The following MUC6 variants were observed in gnomAD, a reference collection of about 807,000 sequenced individuals.
MUC6 encodes the protein mucin 6, oligomeric mucus/gel-forming (gene/pseudogene), also known as mucin-6.
In MUC6, 188 loss-of-function variants were observed where a neutral mutation model predicts 201.5. The observed-to-expected ratio is 0.93, with a 90% CI of 0.83 to 1.05. MUC6 has a LOEUF of 1.05. Among genes scored for constraint, MUC6 ranks in the 50% least tolerant of loss-of-function variants. The pLI is 0.00. For synonymous variants in MUC6, 1,228 were observed against 1,389.4 expected (o/e 0.88, Z 2.58); for missense variants, 2,706 against 3,256.9 (o/e 0.83, Z 4.12).
intron 30 of MUC6, among the ~76,000 whole-genome samples, chr11:1,019,049 C>G (rs562916477): frequency 6.6e-6 from 1 of 152,238 alleles, no homozygotes; most frequent in African/African-American, 2.4e-5. Context: ...TTCCCTGTGG[C>G]CGTGGTGGTG....
chr11:1,020,156 T>C lies in MUC6; in HGVS notation c.3742A>G (p.Ser1248Gly), dbSNP rs1347870752. 9.9e-6 allele frequency: 16 copies of C among 1,612,536 alleles called. No individual in the cohort carries two copies. Among genetic ancestry groups the C allele is most frequent in the African/African-American group, 2.7e-5 (2 of 74,752 alleles). Residue 1248 changes from serine (S) to glycine (G), a missense_variant, in exon 29 of 33, where the codon AGC becomes GGC. Physicochemically the swap from Ser to Gly is moderately conservative, Grantham distance 56. Transcript: ENST00000421673. ...GGAAGGAGGGGTGTCTGGGTGGGGC[T>C]GGCAGGGGTGTGATTAGAGCTGGGT... ...PSPSSNHTPA[S>G]PTQTPLLPAT...
At position 1,027,978 on chromosome 11, in the gene MUC6, G is replaced by T; in HGVS notation, c.1835C>A (p.Ala612Glu). The T allele has an allele frequency of 6.3e-7, 1 of 1,578,216 alleles. No homozygotes were observed. Among genetic ancestry groups the T allele is most frequent in the Non-Finnish European group, 8.6e-7 (1 of 1,162,384 alleles). ...FERCHATVNP[A>E]PFYKRCVYQA... ...TCGGGCCCTCACCTTGTAGAAGGGT[G>T]CAGGGTTCACTGTGGCGTGGCACCT... Residue 612 changes from alanine (A) to glutamate (E), a missense_variant, in exon 15 of 33, where the codon GCA (alanine) becomes GAA (glutamate). Physicochemically the swap from Ala to Glu is moderately radical, Grantham distance 107 (BLOSUM62 -1). Transcript: ENST00000421673.
chr11:1,030,429 C>T (rs1200907454), intron 7 of MUC6, 94 bp from the exon 8 acceptor site: 1 of 1,446,512 alleles, frequency 6.9e-7, no homozygotes, highest in Non-Finnish European at 9.3e-7. Flanking sequence ...CCAGCCCTTC[C>T]TCCATCTAGA....
intron 2 of MUC6, among the ~76,000 whole-genome samples, chr11:1,032,475 ATG>A (rs1457578457): frequency 6.8e-6 from 1 of 146,100 alleles, no homozygotes; most frequent in Non-Finnish European, 1.5e-5. Context: ...TGAGCTGGGC[ATG>A]TGTGTCGAGT....
chr11:1,022,344 C>T (rs966731548), intron 26 of MUC6, among the ~76,000 whole-genome samples: 38 of 150,610 alleles, frequency 2.5e-4, no homozygotes, highest in African/African-American at 7.1e-4. Context: ...ACCCCTCCAC[C>T]GCTCCCTCTG....
chr11:1,024,195 C>T (rs959244462), intron 24 of MUC6, 92 bp from the exon 25 acceptor site: 71 of 1,421,602 alleles, frequency 5.0e-5, no homozygotes, highest in East Asian at 3.4e-4. Flanking sequence ...GTGGTCAGGC[C>T]GGAGTGTGGC....
chr11:1,013,323 G>T lies in MUC6; in HGVS notation c.*133C>A. 1 of 977,832 alleles carries T rather than the reference G, an allele frequency of 1.0e-6. No homozygotes were observed. The allele number at this position is 977,832 out of a possible 1,614,324, so 60.6% of individuals were successfully genotyped here. A position where few individuals can be genotyped will look rare whatever the true frequency, so the allele number is the denominator to read the frequency against. ...CCAACCGGTGCCCCAGGGAGCCACG[G>T]CCCAGGGCACTTGGGGGCCAGGCCT... On this transcript the variant is annotated 3_prime_UTR_variant, in exon 33 of 33. Coordinates refer to ENST00000421673, the MANE Select transcript of MUC6 (RefSeq NM_005961.3).
Position 1,030,295 on chromosome 11 carries a change from G to A in MUC6, c.933C>T (p.Cys311=), listed in dbSNP as rs1242958448. 5.2e-6 allele frequency: 8 copies of A among 1,549,182 alleles called. No homozygotes were observed. Among genetic ancestry groups the A allele is most frequent in the South Asian group, 1.2e-5 (1 of 84,008 alleles). ...QCPANQVYQE[C]GSACVKTCSN... is the part of the protein sequence containing the mutation. ...AGCAGGTCTTCACGCAGGCCGAGCCGCACTCCTGGTACACCTGGTTGGCCG... is the reference window on the plus strand; with the variant it reads ...AGCAGGTCTTCACGCAGGCCGAGCCACACTCCTGGTACACCTGGTTGGCCG... The change falls in exon 8 of 33, where the codon TGC becomes TGT. Residue 311 remains cysteine, a synonymous_variant. Coordinates refer to ENST00000421673, the MANE Select transcript of MUC6 (RefSeq NM_005961.3).
chr11:1,033,123 T>C lies in MUC6; in HGVS notation c.53-48A>G. ...CGGTGTGGGGCTACCCCGTCGTCCCTGAGGGCGCCGCTCACCTCTGCTCAG... is the reference window on the plus strand; with the variant it reads ...CGGTGTGGGGCTACCCCGTCGTCCCCGAGGGCGCCGCTCACCTCTGCTCAG... On this transcript the variant is annotated intron_variant, in intron 1 of 32. Transcript: ENST00000421673. The surrounding 1 kb of genome is among the most constrained non-coding windows in gnomAD (Gnocchi z 5.6). 1 of 1,579,860 alleles carries C rather than the reference T, an allele frequency of 6.3e-7. No homozygotes were observed.
chr11:1,020,522 G>T (rs964788113), intron 28 of MUC6, among the ~76,000 whole-genome samples, 162 bp downstream of exon 28: 1 of 152,186 alleles, frequency 6.6e-6, no homozygotes, highest in African/African-American at 2.4e-5. Flanking sequence ...CCTGGCTGTG[G>T]GCTGAGCTCC....
chr11:1,031,561 C>G (rs903022329), intron 4 of MUC6, 46 bp downstream of exon 4: 15 of 1,536,162 alleles, frequency 9.8e-6, no homozygotes, highest in Admixed American at 5.9e-5. Context: ...CACCTGCCCC[C>G]CCGTGCTGCG....
chr11:1,018,214 AGT>A lies in MUC6; in HGVS notation c.4585_4586del (p.Thr1529PhefsTer7). 1 of 1,613,954 alleles carries A rather than the reference AGT, an allele frequency of 6.2e-7. No homozygotes were observed. The highest frequency in any genetic ancestry group is 8.5e-7 in the Non-Finnish European group (1 of 1,179,812). On this transcript the variant is annotated frameshift_variant, in exon 31 of 33. Coordinates refer to ENST00000421673, the MANE Select transcript of MUC6 (RefSeq NM_005961.3). LOFTEE classifies it high-confidence loss of function. ...NKTPTSLHSH[T>X]SSTHHPEVTP... ...TGACTTCAGGATGGTGTGTGGAGGA[AGT>A]GTGTGAATGTAGCGAGGTAGGTGTT...
chr11:1,029,183 G>T, intron 10 of MUC6, 33 bp from the exon 11 acceptor site: 2 of 1,605,832 alleles, frequency 1.2e-6, no homozygotes, highest in South Asian at 1.1e-5. Flanking sequence ...CACGGGTGGG[G>T]TCACCGGGAG....
chr11:1,013,458 A>G lies in MUC6; in HGVS notation c.7318T>C (p.Ter2440GlnextTer10). 6.3e-7 allele frequency: 1 copy of G among 1,578,038 alleles called. No individual in the cohort carries two copies. Among genetic ancestry groups the G allele is most frequent in the Non-Finnish European group, 8.6e-7 (1 of 1,163,402 alleles). ...CAGGAGAGCAGGCAGCGACCCTGCT[A>G]GTCTCCACAGGCCACAGAGCTGCAC... ...CVCSSVACGD[*>Q] The change falls in exon 33 of 33, where the codon TAG (stop) becomes CAG (glutamine). Residue 2440 changes from the stop codon to glutamine (Q), a stop_lost. Transcript: ENST00000421673.
At chr11:1,029,979 G>C (rs1392344409) in intron 8 of MUC6, among the ~76,000 whole-genome samples, 1 of 152,242 alleles carries the variant, frequency 6.6e-6, no homozygotes, top group East Asian at 1.9e-4. Flanking sequence ...CTAGACCGCA[G>C]TGAGCAGCCC....
intron 31 of MUC6, 101 bp from the exon 32 acceptor site, chr11:1,014,102 T>G: frequency 1.0e-6 from 1 of 966,258 alleles, no homozygotes; most frequent in Non-Finnish European, 1.5e-6. Flanking sequence ...GTCTCTGGAC[T>G]CTCCTGCCCA....
In MUC6 at chr11:1,031,648, G is replaced by T; in HGVS notation, c.442C>A (p.Leu148Met). 1 of 1,550,296 alleles carries T rather than the reference G, an allele frequency of 6.5e-7. No individual in the cohort carries two copies. ...GGACCCCACACGACTTCCAGCTCCA[G>T]CTCCAGCTGCTTGGCCACCAGCCGC... ...SVRLVAKQLE[L>M]ELEVVWGPDS... Residue 148 changes from leucine to methionine, a missense_variant, in exon 4 of 33, where the codon CTG becomes ATG. By Grantham distance (15) the Leu-to-Met change is conservative. Around this residue, in one of 10 missense-constraint regions of MUC6, gnomAD observed 1,850 missense variants for 1,958.3 expected, o/e 0.94. Transcript: ENST00000421673.
chr11:1,026,511 G>C, intron 19 of MUC6, 33 bp from the exon 20 acceptor site: 1 of 1,536,862 alleles, frequency 6.5e-7, no homozygotes, highest in Non-Finnish European at 8.7e-7. Flanking sequence ...CTCCTGGGAG[G>C]GTGGCCTCAG....
At chr11:1,034,664 C>G (rs1201255072) in intron 1 of MUC6, among the ~76,000 whole-genome samples, 2 of 152,214 alleles carry the variant, frequency 1.3e-5, no homozygotes, top group Non-Finnish European at 2.9e-5. Flanking sequence ...TGACCGGTCT[C>G]CCCTGGGCAA....
Sources: gnomAD v4.1 joint callset for allele counts (sites outside exome capture counted in the v4.1 genomes callset) on GRCh38, gnomAD v4.1.1 for gene constraint, gnomAD v4.1.1 regional missense constraint, Gnocchi (gnomAD v3.1) non-coding constraint, MANE v1.5 for transcripts, NCBI Gene and HGNC (gene_info 2026-07-23, HGNC 2026-07-21) for gene names.